RAD21: variants seen among roughly 807,000 people sequenced by gnomAD.
The protein encoded by RAD21 is double-strand-break repair protein rad21 homolog.
In RAD21, 18 loss-of-function variants were observed where a neutral mutation model predicts 71.5. That is an observed-to-expected ratio of 0.25 (90% CI 0.17 to 0.37). The LOEUF is 0.37. RAD21 is among the 10% of genes least tolerant of loss of function. RAD21 has a pLI of 1.00. For synonymous variants in RAD21, 248 were observed against 254.0 expected, an observed-to-expected ratio of 0.98 and a Z score of 0.22; for missense variants, 493 against 769.1, an observed-to-expected ratio of 0.64 and a Z score of 4.25.
At chr8:116,868,780 G>GA (rs1314126354) in intron 1 of RAD21, among the ~76,000 whole-genome samples, 1 of 150,916 alleles carries the variant, frequency 6.6e-6, no homozygotes, top group Non-Finnish European at 1.5e-5. Context: ...TGAGAACCCA[G>GA]AAATAGCCCG....
At chr8:116,860,773 A>G (rs778544916) in intron 4 of RAD21, among the ~76,000 whole-genome samples, 3 of 152,272 alleles carry the variant, frequency 2.0e-5, no homozygotes, top group South Asian at 2.1e-4. Flanking sequence ...TGTCTATATT[A>G]AGGAATAACT....
At position 116,858,207 on chromosome 8, in the gene RAD21, T is replaced by A. The variant is rs16888943; in HGVS notation, c.481+145A>T. ...ATGAAAATAATGCTTAATCTACTGG[T>A]AGAAAGCCAAATTCTTTTCTTGATG... On this transcript the variant is annotated intron_variant, in intron 5 of 13. Transcript: ENST00000297338. The A allele has an allele frequency of 2.6e-3, 1,659 of 632,812 alleles. 3 individuals are homozygous for A. The highest frequency in any genetic ancestry group is 3.8e-3 in the Non-Finnish European group (1,427 of 371,420). 39.2% of individuals were successfully genotyped at this position (632,812 alleles called of 1,614,324 possible). A position where few individuals can be genotyped will look rare whatever the true frequency, so the allele number is the denominator to read the frequency against.
At position 116,847,390 on chromosome 8, in the gene RAD21, T is replaced by C; in HGVS notation, c.*110A>G. ...AATGAAGAAGGAAAAAGGCAAAGAC[T>C]TTGTACAGACAAAAATCTAAGTTTT... On this transcript the variant is annotated 3_prime_UTR_variant, in exon 14 of 14. Coordinates refer to ENST00000297338, the MANE Select transcript of RAD21 (RefSeq NM_006265.3). The C allele has an allele frequency of 1.0e-6, 1 of 972,696 alleles. No individual in the cohort carries two copies. The highest frequency in any genetic ancestry group is 2.0e-5 in the South Asian group (1 of 49,614). 60.3% of individuals were successfully genotyped at this position (972,696 alleles called of 1,614,324 possible).
Position 116,849,122 on chromosome 8 carries a change from A to G in RAD21, c.1621-93T>C, listed in dbSNP as rs1812301956. 14 of 834,738 alleles carry G rather than the reference A, an allele frequency of 1.7e-5. No homozygotes were observed. In the South Asian group the frequency reaches 4.3e-4, roughly 26 times the overall value. 51.7% of individuals were successfully genotyped at this position (834,738 alleles called of 1,614,324 possible). A position where few individuals can be genotyped will look rare whatever the true frequency, so the allele number is the denominator to read the frequency against. On this transcript the variant is annotated intron_variant, in intron 12 of 13. Transcript: ENST00000297338. The stretch of plus-strand genomic sequence containing the variant: ...TCCTAAAAGCTCCTAAATTACCTTG[A>G]GATTGTGTATTTTGAACTAATAGAA...
In RAD21 at chr8:116,846,010, C is replaced by T. The variant is rs1457596241; in HGVS notation, c.*1490G>A. 1.3e-5 allele frequency: 3 copies of T among 230,056 alleles called. No homozygotes were observed. The highest frequency in any genetic ancestry group is 6.6e-5 in the African/African-American group (3 of 45,140). The allele number at this position is 230,056 out of a possible 1,614,324, so 14.3% of individuals were successfully genotyped here. On this transcript the variant is annotated 3_prime_UTR_variant, in exon 14 of 14. Transcript: ENST00000297338. The stretch of plus-strand genomic sequence containing the variant: ...AACTATTTTCAAGAACAATATTAAA[C>T]CCGATAAGCAACAAAAACCAGACTA...
chr8:116,850,539 T>A, intron 12 of RAD21, 79 bp downstream of exon 12: 1 of 1,550,676 alleles, frequency 6.4e-7, no homozygotes, highest in Non-Finnish European at 8.7e-7. Flanking sequence ...CAGCATCAAT[T>A]AAGTTAGCCC....
In RAD21 at chr8:116,850,739, G is replaced by C. The variant is rs769041261; in HGVS notation, c.1499C>G (p.Pro500Arg). 2 of 1,611,860 alleles carry C rather than the reference G, an allele frequency of 1.2e-6. No individual in the cohort carries two copies. Among genetic ancestry groups the C allele is most frequent in the South Asian group, 2.2e-5 (2 of 91,000 alleles). Residue 500 changes from proline (P) to arginine (R), a missense_variant, in exon 12 of 14, where the codon CCA becomes CGA. Coordinates refer to ENST00000297338, the MANE Select transcript of RAD21 (RefSeq NM_006265.3). Reference sequence around the variant, plus strand: ...TTCTTCTGGGGGAAGCTCTACAGGTGGTATTTCCATCTGCTCTACCTGCTG... The same window carrying C: ...TTCTTCTGGGGGAAGCTCTACAGGTCGTATTTCCATCTGCTCTACCTGCTG... ...PPQQVEQMEI[P>R]PVELPPEEPP...
At chr8:116,874,166 CCGGGCCCG>C (rs1379010602) in intron 1 of RAD21, 1 of 151,920 alleles carries the variant, frequency 6.6e-6, no homozygotes, top group Non-Finnish European at 1.5e-5. Flanking sequence ...ACCGCGGGCG[CCGGGCCCG>C]CCACCGCCTC....
intron 8 of RAD21, among the ~76,000 whole-genome samples, chr8:116,854,741 CAT>C (rs1180563991): frequency 2.0e-5 from 3 of 152,176 alleles, no homozygotes; most frequent in Non-Finnish European, 4.4e-5. Flanking sequence ...AGGGCCAACA[CAT>C]TTTTGCCTAT....
In RAD21 at chr8:116,856,707, T is replaced by G. The variant is rs746567845; in HGVS notation, c.753A>C (p.Ala251=). Reference sequence around the variant, plus strand: ...CAGGCTGCTCTGGCAACATCACCCCTGCCTCAGAGAGGGCAGGGGGATCAT... The same window carrying G: ...CAGGCTGCTCTGGCAACATCACCCCGGCCTCAGAGAGGGCAGGGGGATCAT... ...IFDDPPALSE[A]GVMLPEQPAH... The change falls in exon 7 of 14, where the codon GCA becomes GCC. Residue 251 remains alanine, a synonymous_variant. Transcript: ENST00000297338. 1 of 1,591,978 alleles carries G rather than the reference T, an allele frequency of 6.3e-7. No homozygotes were observed. The highest frequency in any genetic ancestry group is 8.6e-7 in the Non-Finnish European group (1 of 1,168,606).
intron 2 of RAD21, 109 bp from the exon 3 acceptor site, chr8:116,863,368 G>T: frequency 8.5e-7 from 1 of 1,175,210 alleles, no homozygotes; most frequent in Non-Finnish European, 1.2e-6. Flanking sequence ...ACATTTCTCT[G>T]TCCTTACCTA....
At chr8:116,867,162 T>A (rs1812713558) in intron 1 of RAD21, among the ~76,000 whole-genome samples, 1 of 152,186 alleles carries the variant, frequency 6.6e-6, no homozygotes, top group South Asian at 2.1e-4. Context: ...ATTTCCATTT[T>A]TAGAATGCCA....
At position 116,852,070 on chromosome 8, in the gene RAD21, G is replaced by A. The variant is rs1301282588; in HGVS notation, c.1348C>T (p.Arg450Cys). ...IDEPIIEEPS[R>C]LQESVMEASR... ...GCCTCCATCACTGACTCCTGGAGGC[G>A]GCTTGGCTCTTCAATAATGGGCTCA... is the stretch of plus-strand genomic sequence containing the variant. The change falls in exon 11 of 14, where the codon CGC (arginine) becomes TGC (cysteine). Residue 450 changes from arginine to cysteine, a missense_variant. Physicochemically the swap from Arg to Cys is radical, Grantham distance 180. Around this residue, in one of 5 missense-constraint regions of RAD21, gnomAD observed 225 missense variants for 218.3 expected, o/e 1.03. Transcript: ENST00000297338. 7 of 1,608,928 alleles carry A rather than the reference G, an allele frequency of 4.4e-6. No individual in the cohort carries two copies. Among genetic ancestry groups the A allele is most frequent in the South Asian group, 2.2e-5 (2 of 90,900 alleles).
At position 116,854,229 on chromosome 8, in the gene RAD21, C is replaced by G. The variant is rs1413238155; in HGVS notation, c.1161+16G>C. 1 of 1,568,774 alleles carries G rather than the reference C, an allele frequency of 6.4e-7. No homozygotes were observed. On this transcript the variant is annotated intron_variant, in intron 9 of 13. Coordinates refer to ENST00000297338, the MANE Select transcript of RAD21 (RefSeq NM_006265.3). ...TCAAAATGTATATGAAGTAAAAATT[C>G]TGCAAACTATATTACCTTCAGTAGT...
intron 1 of RAD21, chr8:116,867,048 G>A (rs956114269): frequency 1.0e-5 from 2 of 190,708 alleles, no homozygotes; most frequent in African/African-American, 4.6e-5. Flanking sequence ...ATTGACAGTA[G>A]AAATAGTCTG....
chr8:116,856,832 A>G, intron 6 of RAD21, 61 bp from the exon 7 acceptor site: 1 of 1,269,424 alleles, frequency 7.9e-7, no homozygotes, highest in Non-Finnish European at 1.0e-6. Flanking sequence ...CACAACAGCC[A>G]ATCAATGGAA....
intron 11 of RAD21, 28 bp downstream of exon 11, chr8:116,851,920 G>A (rs1388165597): frequency 6.3e-7 from 1 of 1,585,140 alleles, no homozygotes; most frequent in African/African-American, 1.3e-5. Flanking sequence ...ACCTTCAAAT[G>A]ACTTAATGGA....
At chr8:116,871,115 G>C (rs1266236909) in intron 1 of RAD21, among the ~76,000 whole-genome samples, 1 of 152,092 alleles carries the variant, frequency 6.6e-6, no homozygotes, top group Non-Finnish European at 1.5e-5. Context: ...ATCGACTCCT[G>C]GTGTATATCT....
intron 1 of RAD21, chr8:116,874,202 T>C (rs1812917044): frequency 6.6e-6 from 1 of 150,756 alleles, no homozygotes; most frequent in South Asian, 2.1e-4. Flanking sequence ...ACAGCCATTT[T>C]TACCCGCGGA....
Sources: gnomAD v4.1 joint callset for allele counts (sites outside exome capture counted in the v4.1 genomes callset) on GRCh38, gnomAD v4.1.1 for gene constraint, gnomAD v4.1.1 regional missense constraint, MANE v1.5 for transcripts, NCBI Gene and HGNC (gene_info 2026-07-23, HGNC 2026-07-21) for gene names.